The following DOCK11 variants were observed in gnomAD, a reference collection of about 807,000 sequenced individuals.
DOCK11 encodes dedicator of cytokinesis 11.
Under a neutral mutation model 169.1 loss-of-function variants are expected in DOCK11, and 70 were observed. The observed-to-expected ratio is 0.41, with a 90% CI of 0.34 to 0.51. The LOEUF (loss-of-function observed/expected upper bound fraction) is 0.51. Among genes scored for constraint, DOCK11 ranks in the 20% least tolerant of loss-of-function variants. The pLI, the probability that DOCK11 is intolerant of heterozygous loss-of-function variation, is 0.10. For synonymous variants in DOCK11, 529 were observed against 541.3 expected (o/e 0.98, Z 0.32); for missense variants, 1,166 against 1,538.8 (o/e 0.76, Z 4.05).
At chrX:118,539,877 C>T (rs1213060105) in intron 1 of DOCK11, among the ~76,000 whole-genome samples, 2 of 107,680 alleles carry the variant, frequency 1.9e-5, no homozygotes. Context: ...ATGGTGAAAC[C>T]CTGTCTCTAC....
chrX:118,497,480 G>C (rs745473767), intron 1 of DOCK11, among the ~76,000 whole-genome samples: 25 of 112,287 alleles, frequency 2.2e-4, no homozygotes, highest in African/African-American at 8.1e-4. Context: ...CTAGACCCTT[G>C]AAAGTTTAAT....
chrX:118,680,220 C>T (rs1357036787), intron 48 of DOCK11, among the ~76,000 whole-genome samples: 1 of 110,413 alleles, frequency 9.1e-6, no homozygotes, highest in Non-Finnish European at 1.9e-5. Flanking sequence ...AGCCACCGTG[C>T]CTGGCCAATT....
intron 6 of DOCK11, among the ~76,000 whole-genome samples, chrX:118,548,403 C>T (rs903085381): frequency 2.7e-5 from 3 of 111,909 alleles, no homozygotes; most frequent in African/African-American, 9.8e-5. Flanking sequence ...TCAATGGTCC[C>T]CTACATGGCA....
chrX:118,684,429 C>T (rs1193995099), intron 52 of DOCK11, among the ~76,000 whole-genome samples: 2 of 108,418 alleles, frequency 1.8e-5, no homozygotes, highest in Non-Finnish European at 3.8e-5. Flanking sequence ...CGTGCCACCA[C>T]GCCTGGCTAA....
Position 118,676,014 on chromosome X carries a change from T to G in DOCK11, c.5278T>G (p.Leu1760Val), listed in dbSNP as rs1000529718. ...LEVMHTKKRL[L>V]GTFFRVAFYG... Reference sequence around the variant, plus strand: ...AGTTATGCATACAAAAAAGAGACTTTTAGGCACTTTCTTCAGAGTTGCCTT... The same window carrying G: ...AGTTATGCATACAAAAAAGAGACTTGTAGGCACTTTCTTCAGAGTTGCCTT... Residue 1760 changes from leucine (L) to valine (V), a missense_variant, in exon 47 of 53, where the codon TTA becomes GTA. Leu to Val is a conservative substitution (Grantham distance 32). Coordinates refer to ENST00000276202, the MANE Select transcript of DOCK11 (RefSeq NM_144658.4). The G allele has an allele frequency of 1.2e-5, 14 of 1,199,406 alleles. No homozygotes were observed. The highest frequency in any genetic ancestry group is 1.6e-5 in the Non-Finnish European group (14 of 890,730).
chrX:118,528,087 A>G (rs770751789), intron 1 of DOCK11, among the ~76,000 whole-genome samples: 30 of 112,630 alleles, frequency 2.7e-4, no homozygotes, highest in African/African-American at 9.7e-4. Flanking sequence ...TTGGGACACC[A>G]TTGTTATCGT....
At chrX:118,627,700 T>C (rs892402857) in intron 33 of DOCK11, 121 bp downstream of exon 33, 29 of 509,482 alleles carry the variant, frequency 5.7e-5, no homozygotes, top group Admixed American at 1.2e-4. Flanking sequence ...CTACTAAAGT[T>C]TAATTAAAAT....
intron 38 of DOCK11, among the ~76,000 whole-genome samples, chrX:118,640,446 C>G (rs905088562): frequency 1.8e-5 from 2 of 112,417 alleles, no homozygotes; most frequent in African/African-American, 6.5e-5. Flanking sequence ...TGAACCACTT[C>G]CTTCAGTTGC....
At chrX:118,593,167 C>T (rs1569424922) in intron 19 of DOCK11, 47 bp from the exon 20 acceptor site, 1 of 1,164,589 alleles carries the variant, frequency 8.6e-7, no homozygotes, top group African/African-American at 1.8e-5. Context: ...CTGACAGTTT[C>T]AGCTTGAGAA....
At chrX:118,551,497 G>A (rs1173903654) in intron 6 of DOCK11, among the ~76,000 whole-genome samples, 1 of 111,654 alleles carries the variant, frequency 9.0e-6, no homozygotes, top group East Asian at 2.8e-4. Flanking sequence ...TTGGGAGTTC[G>A]AAACTAGCCT....
rs754882950 is a variant in DOCK11 at position 118,573,944 on chromosome X, G to A, written c.1315G>A (p.Gly439Ser). Residue 439 changes from glycine (G) to serine (S), a missense_variant, in exon 12 of 53, where the codon GGT (glycine) becomes AGT (serine). By Grantham distance (56) the Gly-to-Ser change is moderately conservative. Transcript: ENST00000276202. ...WGSSTQLASD[G>S]SPKGSSPESY... ...CTCTTCAACCCAACTGGCCAGTGAC[G>A]GTAGCCCAAAGGGCTCTTCACCCGA... The A allele has an allele frequency of 7.4e-6, 9 of 1,210,158 alleles. No homozygotes were observed. The highest frequency in any genetic ancestry group is 3.5e-5 in the South Asian group (2 of 56,809).
intron 32 of DOCK11, 113 bp from the exon 33 acceptor site, chrX:118,627,391 C>A: frequency 1.8e-6 from 1 of 564,627 alleles, no homozygotes. Context: ...CTGATTTAGA[C>A]TTTCACAGTG....
intron 1 of DOCK11, among the ~76,000 whole-genome samples, chrX:118,512,005 C>T (rs1477679625): frequency 1.8e-5 from 2 of 112,326 alleles, no homozygotes; most frequent in African/African-American, 6.5e-5. Flanking sequence ...CCACCGACTC[C>T]GGGGTTCAAG....
intron 15 of DOCK11, 50 bp downstream of exon 15, chrX:118,584,907 A>G (rs1453248731): frequency 8.6e-7 from 1 of 1,162,356 alleles, no homozygotes; most frequent in African/African-American, 1.8e-5. Context: ...ATGAATCCTC[A>G]GTTTTTTAAA....
At chrX:118,602,902 G>C (rs2014385452) in intron 23 of DOCK11, among the ~76,000 whole-genome samples, 3 of 112,017 alleles carry the variant, frequency 2.7e-5, no homozygotes, top group African/African-American at 9.7e-5. Flanking sequence ...CATGTAGTAT[G>C]GGCCAGACAT....
intron 1 of DOCK11, among the ~76,000 whole-genome samples, chrX:118,535,207 G>A (rs1275460971): frequency 8.9e-6 from 1 of 112,046 alleles, no homozygotes; most frequent in Non-Finnish European, 1.9e-5. Flanking sequence ...TAAGTTCAAC[G>A]CATAAAGGTT....
At chrX:118,498,765 A>ATT (rs773363308) in intron 1 of DOCK11, among the ~76,000 whole-genome samples, 6 of 105,499 alleles carry the variant, frequency 5.7e-5, no homozygotes, top group African/African-American at 2.1e-4. Flanking sequence ...TTTTTTTTTT[A>ATT]TTTTTTTTTT....
chrX:118,507,111 A>T (rs896672236), intron 1 of DOCK11, among the ~76,000 whole-genome samples: 3 of 111,908 alleles, frequency 2.7e-5, no homozygotes, highest in African/African-American at 9.8e-5. Flanking sequence ...TTTATTGTTC[A>T]TGGGAAGTTA....
At chrX:118,565,141 G>T (rs907802451) in intron 7 of DOCK11, among the ~76,000 whole-genome samples, 1 of 109,317 alleles carries the variant, frequency 9.1e-6, no homozygotes. Flanking sequence ...AGGTTTCACC[G>T]CTTTGCTCAG....
Sources: allele counts gnomAD v4.1 joint callset (sites outside exome capture counted in the v4.1 genomes callset), GRCh38; gene constraint gnomAD v4.1.1; transcripts MANE v1.5; gene names NCBI Gene and HGNC (gene_info 2026-07-23, HGNC 2026-07-21).